CLVS1: variants seen among roughly 807,000 people sequenced by gnomAD.
CLVS1 encodes the protein clavesin 1.
Under a neutral mutation model 33.1 loss-of-function variants are expected in CLVS1, and 10 were observed. The observed-to-expected ratio is 0.30, with a 90% confidence interval of 0.19 to 0.51. The LOEUF is 0.51. Among genes scored for constraint, CLVS1 ranks in the 20% least tolerant of loss-of-function variants. The pLI, the probability that CLVS1 is intolerant of heterozygous loss-of-function variation, is 0.97. For missense variants in CLVS1, 343 were observed against 433.4 expected (o/e 0.79, Z 1.85); for synonymous variants, 163 against 166.1 (o/e 0.98, Z 0.14).
chr8:61,216,954 C>T (rs1212741685), intron 2 of CLVS1, among the ~76,000 whole-genome samples: 2 of 152,076 alleles, frequency 1.3e-5, no homozygotes, highest in African/African-American at 2.4e-5. Flanking sequence ...CAGATTTAAG[C>T]ATTTTTAGTC....
chr8:61,244,011 A>C (rs951913908), intron 2 of CLVS1, among the ~76,000 whole-genome samples: 1 of 152,166 alleles, frequency 6.6e-6, no homozygotes, highest in Non-Finnish European at 1.5e-5. Context: ...TCCCCAAATC[A>C]ATACTTGTTA....
chr8:61,340,280 A>T (rs1176874643), intron 2 of CLVS1, among the ~76,000 whole-genome samples: 1 of 152,214 alleles, frequency 6.6e-6, no homozygotes, highest in African/African-American at 2.4e-5. Flanking sequence ...ACCATGATGC[A>T]CAATAGATCT....
At chr8:61,280,445 A>G (rs1023318473) in intron 2 of CLVS1, among the ~76,000 whole-genome samples, 6 of 152,220 alleles carry the variant, frequency 3.9e-5, no homozygotes, top group Non-Finnish European at 8.8e-5. Context: ...TTCTCATTGT[A>G]TAATAGAATA....
In CLVS1 at chr8:61,128,594, A is replaced by G. The variant is rs149361659; in HGVS notation, c.-242-3176A>G. ...CAGGGGAGAGCAGGACACAGGGGCC[A>G]CCAAGTGTGACATCAGTCCCTGTGC... On this transcript the variant is annotated intron_variant, in intron 1 of 2. Coordinates refer to the CLVS1 transcript ENST00000522621. 2.2e-3 allele frequency among the ~76,000 whole-genome samples: 331 copies of G among 152,342 alleles called. 5 individuals carry two copies. The East Asian group carries it at 0.033, about 15-fold the overall frequency.
At chr8:61,484,748 A>G (rs2129608334) in intron 5 of CLVS1, among the ~76,000 whole-genome samples, 1 of 152,344 alleles carries the variant, frequency 6.6e-6, no homozygotes, top group East Asian at 1.9e-4. Context: ...AAACAGAGAT[A>G]TAGACCAATG....
At chr8:61,289,501 T>A (rs1287425179) in intron 1 of CLVS1, among the ~76,000 whole-genome samples, 1 of 152,170 alleles carries the variant, frequency 6.6e-6, no homozygotes, top group Non-Finnish European at 1.5e-5. Context: ...TTTAATTGAT[T>A]TTTACTGAAC....
At chr8:61,087,433 C>T (rs1018888861) in intron 1 of CLVS1, among the ~76,000 whole-genome samples, 1 of 152,168 alleles carries the variant, frequency 6.6e-6, no homozygotes, top group African/African-American at 2.4e-5. Flanking sequence ...TGATTTTCTC[C>T]ATCAAGTGAG....
intron 2 of CLVS1, among the ~76,000 whole-genome samples, chr8:61,267,828 A>G (rs1809343119): frequency 2.6e-5 from 4 of 152,196 alleles, no homozygotes. Flanking sequence ...GCTTTAATTT[A>G]TTGTAACTAT....
At chr8:61,496,212 A>G (rs1804259757) in intron 5 of CLVS1, among the ~76,000 whole-genome samples, 1 of 152,060 alleles carries the variant, frequency 6.6e-6, no homozygotes, top group African/African-American at 2.4e-5. Flanking sequence ...TTCTCATGCC[A>G]TGTTGTGAAA....
the CLVS1 span, among the ~76,000 whole-genome samples, chr8:60,995,454 A>G: frequency 6.6e-6 from 1 of 152,226 alleles, no homozygotes; most frequent in Non-Finnish European, 1.5e-5. Flanking sequence ...AATCAAAACC[A>G]CAATGAGATA....
chr8:61,291,547 G>A (rs1809991444), intron 1 of CLVS1, among the ~76,000 whole-genome samples: 1 of 152,178 alleles, frequency 6.6e-6, no homozygotes, highest in African/African-American at 2.4e-5. Flanking sequence ...CCTGGGAATA[G>A]CATGTTGTAG....
At chr8:61,392,548 C>G (rs1401222745) in intron 3 of CLVS1, among the ~76,000 whole-genome samples, 1 of 152,140 alleles carries the variant, frequency 6.6e-6, no homozygotes, top group Non-Finnish European at 1.5e-5. Context: ...CTCTTAAAAT[C>G]TTATCCCTCA....
chr8:61,478,085 A>G (rs527973632), intron 5 of CLVS1, among the ~76,000 whole-genome samples: 4 of 152,338 alleles, frequency 2.6e-5, no homozygotes, highest in Non-Finnish European at 5.9e-5. Flanking sequence ...CCCTGCAGTC[A>G]TTCAGGAGCA....
the CLVS1 span, among the ~76,000 whole-genome samples, chr8:60,970,691 C>T: frequency 6.6e-6 from 1 of 152,172 alleles, no homozygotes; most frequent in East Asian, 1.9e-4. Context: ...TTTGAAATCT[C>T]CATTCCCTCT....
intron 2 of CLVS1, among the ~76,000 whole-genome samples, chr8:61,243,977 C>T (rs562472268): frequency 3.9e-5 from 6 of 152,040 alleles, no homozygotes; most frequent in East Asian, 1.9e-4. Context: ...TCCATATTTT[C>T]GAATTCACCA....
At chr8:61,069,545 C>T (rs889404197) in intron 1 of CLVS1, among the ~76,000 whole-genome samples, 4 of 152,162 alleles carry the variant, frequency 2.6e-5, no homozygotes, top group Admixed American at 1.3e-4. Context: ...GTGCTTGAGA[C>T]ATCTTGACCC....
At chr8:61,115,524 C>T (rs959137519) in intron 1 of CLVS1, among the ~76,000 whole-genome samples, 1 of 151,756 alleles carries the variant, frequency 6.6e-6, no homozygotes. Context: ...TATCCCTCCC[C>T]ACTCCCCCGA....
intron 3 of CLVS1, among the ~76,000 whole-genome samples, chr8:61,449,486 C>G (rs1816877063): frequency 6.6e-6 from 1 of 152,132 alleles, no homozygotes; most frequent in South Asian, 2.1e-4. Flanking sequence ...CTTGTTACAG[C>G]CTTGCTAGGG....
chr8:61,251,630 G>A (rs921075375), intron 2 of CLVS1, among the ~76,000 whole-genome samples: 2 of 152,072 alleles, frequency 1.3e-5, no homozygotes, highest in East Asian at 1.9e-4. Flanking sequence ...CTTCTTCCTG[G>A]TTTCAACTTG....
Sources: allele counts gnomAD v4.1 joint callset (sites outside exome capture counted in the v4.1 genomes callset), GRCh38; gene constraint gnomAD v4.1.1; transcripts MANE v1.5; gene names NCBI Gene and HGNC (gene_info 2026-07-23, HGNC 2026-07-21).